The following SAMD5 variants were observed in gnomAD, a reference collection of about 807,000 sequenced individuals.
The protein encoded by SAMD5 is sterile alpha motif domain containing 5.
In SAMD5, 13 loss-of-function variants were observed where a neutral mutation model predicts 11.3. The ratio of observed to expected loss-of-function variants is 1.15; its 90% CI spans 0.75 to 1.83. The LOEUF is 1.83. Among genes scored for constraint, SAMD5 ranks in the 40% most tolerant of loss-of-function variants. The pLI is 0.00. For missense variants in SAMD5, 255 were observed against 239.1 expected (o/e 1.07, Z -0.44); for synonymous variants, 129 against 111.3 (o/e 1.16, Z -1.00).
chr6:147,879,413 T>C, the SAMD5 span, among the ~76,000 whole-genome samples: 1 of 152,142 alleles, frequency 6.6e-6, no homozygotes, highest in Non-Finnish European at 1.5e-5. Flanking sequence ...ACCCTGCTGG[T>C]AATGAAGCAT....
chr6:147,722,416 T>G (rs1791568696), intron 1 of SAMD5, among the ~76,000 whole-genome samples: 1 of 152,230 alleles, frequency 6.6e-6, no homozygotes, highest in South Asian at 2.1e-4. Flanking sequence ...TTGCCAATAT[T>G]TTATGCCCTC....
At chr6:147,661,872 G>A (rs2128454500) in intron 1 of SAMD5, among the ~76,000 whole-genome samples, 1 of 152,092 alleles carries the variant, frequency 6.6e-6, no homozygotes, top group East Asian at 1.9e-4. Flanking sequence ...CTCATGATTT[G>A]CCCACCTCGG....
At chr6:147,873,788 T>A in the SAMD5 span, among the ~76,000 whole-genome samples, 1 of 152,224 alleles carries the variant, frequency 6.6e-6, no homozygotes, top group Non-Finnish European at 1.5e-5. Context: ...TTTATCAGAT[T>A]TATCTTTACT....
At chr6:147,549,454 A>G (rs542490657) in intron 1 of SAMD5, among the ~76,000 whole-genome samples, 55 of 152,348 alleles carry the variant, frequency 3.6e-4, no homozygotes, top group African/African-American at 1.3e-3. Context: ...AAACCTTGAC[A>G]AATGAGTAAT....
intron 1 of SAMD5, among the ~76,000 whole-genome samples, chr6:147,676,446 CATT>C (rs1790864458): frequency 6.6e-6 from 1 of 152,178 alleles, no homozygotes; most frequent in South Asian, 2.1e-4. Flanking sequence ...TCTCAGCACT[CATT>C]ATTTTTCTAT....
At chr6:147,751,704 A>T in the SAMD5 span, among the ~76,000 whole-genome samples, 1 of 152,172 alleles carries the variant, frequency 6.6e-6, no homozygotes, top group African/African-American at 2.4e-5. Context: ...TAATCACACG[A>T]TTGAGGCCTG....
intron 1 of SAMD5, among the ~76,000 whole-genome samples, chr6:147,515,412 TC>T (rs1788152901): frequency 2.1e-5 from 1 of 47,964 alleles, no homozygotes; most frequent in African/African-American, 4.4e-4. Context: ...CTTCCATTTA[TC>T]CATCCGTCTT....
At chr6:147,549,102 A>T (rs906851712) in intron 1 of SAMD5, among the ~76,000 whole-genome samples, 5 of 152,206 alleles carry the variant, frequency 3.3e-5, no homozygotes, top group African/African-American at 1.2e-4. Context: ...TTGTAGCATG[A>T]GTGAAAAATA....
chr6:147,920,920 G>A, the SAMD5 span, among the ~76,000 whole-genome samples: 1 of 152,282 alleles, frequency 6.6e-6, no homozygotes, highest in Middle Eastern at 3.4e-3. Context: ...CCATAGCTAT[G>A]ATATCCACTG....
the SAMD5 span, among the ~76,000 whole-genome samples, chr6:147,843,341 AGAT>A: frequency 6.6e-6 from 1 of 152,252 alleles, no homozygotes; most frequent in Non-Finnish European, 1.5e-5. Flanking sequence ...AAGAAACTGA[AGAT>A]GACATAAATA....
intron 1 of SAMD5, among the ~76,000 whole-genome samples, chr6:147,614,498 C>T (rs1789836878): frequency 6.6e-6 from 1 of 151,510 alleles, no homozygotes; most frequent in South Asian, 2.1e-4. Flanking sequence ...TGATAAAAAC[C>T]AGCAAATGAT....
chr6:147,601,301 G>T (rs1404651593), intron 1 of SAMD5, among the ~76,000 whole-genome samples: 3 of 151,790 alleles, frequency 2.0e-5, no homozygotes, highest in Non-Finnish European at 4.4e-5. Flanking sequence ...GATTATAAAT[G>T]TACCTTATTT....
chr6:147,666,046 C>T (rs1252797768), intron 1 of SAMD5, among the ~76,000 whole-genome samples: 1 of 152,184 alleles, frequency 6.6e-6, no homozygotes, highest in Non-Finnish European at 1.5e-5. Flanking sequence ...TCAGACGATT[C>T]TCCCGCCTCG....
chr6:147,802,426 G>A, the SAMD5 span, among the ~76,000 whole-genome samples: 3 of 152,200 alleles, frequency 2.0e-5, no homozygotes, highest in African/African-American at 7.2e-5. Context: ...TTGCAAGGAT[G>A]TGGAACAACT....
At chr6:147,881,608 C>G in the SAMD5 span, among the ~76,000 whole-genome samples, 1 of 152,270 alleles carries the variant, frequency 6.6e-6, no homozygotes, top group Non-Finnish European at 1.5e-5. Flanking sequence ...GACCGAAGCC[C>G]CCTGAGCTTT....
intron 1 of SAMD5, among the ~76,000 whole-genome samples, chr6:147,724,482 C>A (rs1210748488): frequency 2.0e-5 from 3 of 152,064 alleles, no homozygotes; most frequent in Non-Finnish European, 4.4e-5. Context: ...TTACTTGTTG[C>A]CTGAAACAAA....
intron 1 of SAMD5, among the ~76,000 whole-genome samples, chr6:147,713,755 A>G (rs1003641608): frequency 2.6e-5 from 4 of 152,130 alleles, no homozygotes; most frequent in African/African-American, 9.7e-5. Flanking sequence ...TATCTTTCCA[A>G]GCAAAAGTAG....
Position 147,569,386 on chromosome 6 carries a change from C to A in SAMD5, c.*4930C>A. On this transcript the variant is annotated 3_prime_UTR_variant, in exon 2 of 2. Transcript: ENST00000367474. ...TCAGAGGAAAACAAGAGGCTAAATT[C>A]CATGTTAAGAGCTAAGTAGTATTTT... 1 of 952,450 alleles carries A rather than the reference C, an allele frequency of 1.0e-6. No homozygotes were observed. Among genetic ancestry groups the A allele is most frequent in the Non-Finnish European group, 1.2e-6 (1 of 800,054 alleles). 59.0% of individuals were successfully genotyped at this position (952,450 alleles called of 1,614,324 possible).
intron 1 of SAMD5, among the ~76,000 whole-genome samples, chr6:147,536,900 A>G (rs996506264): frequency 2.0e-5 from 3 of 152,124 alleles, no homozygotes; most frequent in African/African-American, 7.2e-5. Context: ...TAATTTTCCA[A>G]AGTTATTTAT....
Sources: allele counts gnomAD v4.1 joint callset (sites outside exome capture counted in the v4.1 genomes callset), GRCh38; gene constraint gnomAD v4.1.1; transcripts MANE v1.5; gene names NCBI Gene and HGNC (gene_info 2026-07-23, HGNC 2026-07-21).